The following U2AF2 variants were observed in gnomAD, a reference collection of about 807,000 sequenced individuals.
The protein encoded by U2AF2 is U2 small nuclear RNA auxiliary factor 2, also known as splicing factor U2AF 65 kDa subunit.
Under a neutral mutation model 52.6 loss-of-function variants are expected in U2AF2, and 6 were observed. The ratio of observed to expected loss-of-function variants is 0.11; its 90% CI spans 0.06 to 0.23. The LOEUF is 0.23. Ranked by LOEUF, U2AF2 falls within the 10% of genes least tolerant of loss-of-function variation. The pLI is 1.00. For synonymous variants in U2AF2, 284 were observed against 258.2 expected (o/e 1.10, Z -0.96); for missense variants, 222 against 677.1 (o/e 0.33, Z 7.46).
Position 55,660,633 on chromosome 19 carries a change from C to T in U2AF2, c.334+14C>T. The T allele has an allele frequency of 6.2e-7, 1 of 1,610,638 alleles. No individual in the cohort carries two copies. The highest frequency in any genetic ancestry group is 8.5e-7 in the Non-Finnish European group (1 of 1,177,862). ...AGGCCATGCAAGGTAGGCCCCTGGC[C>T]AGGCTGCTCCCAGAGCGGGAGGGTA... On this transcript the variant is annotated intron_variant, in intron 4 of 11. Coordinates refer to ENST00000308924, the MANE Select transcript of U2AF2 (RefSeq NM_007279.3).
At chr19:55,659,759 C>A (rs1329938173) in intron 2 of U2AF2, among the ~76,000 whole-genome samples, 1 of 152,006 alleles carries the variant, frequency 6.6e-6, no homozygotes, top group African/African-American at 2.4e-5. Flanking sequence ...TCCCTGCCTC[C>A]CAGGAGAAGG....
At chr19:55,663,918 G>A (rs1007184704) in intron 7 of U2AF2, 174 bp downstream of exon 7, 1 of 938,442 alleles carries the variant, frequency 1.1e-6, no homozygotes, top group Non-Finnish European at 1.5e-6. Flanking sequence ...CCTGCTGGTA[G>A]AGAAGGTGCC....
intron 11 of U2AF2, among the ~76,000 whole-genome samples, 172 bp from the exon 12 acceptor site, chr19:55,673,762 G>T (rs1173518903): frequency 6.6e-6 from 1 of 152,218 alleles, no homozygotes; most frequent in Non-Finnish European, 1.5e-5. Flanking sequence ...TGATCCTGGA[G>T]AATATTTGGG....
At chr19:55,669,744 C>T in intron 11 of U2AF2, 52 bp downstream of exon 11, 1 of 1,524,436 alleles carries the variant, frequency 6.6e-7, no homozygotes, top group Non-Finnish European at 8.8e-7. Flanking sequence ...CTCCTCTTCT[C>T]CGCGCCCTCT....
At chr19:55,663,047 C>CG (rs910711802) in intron 6 of U2AF2, among the ~76,000 whole-genome samples, 2 of 151,956 alleles carry the variant, frequency 1.3e-5, no homozygotes, top group African/African-American at 4.8e-5. Context: ...TCTCAACTGT[C>CG]GGGAAAAGGC....
At chr19:55,665,930 A>T (rs1434611367) in intron 7 of U2AF2, among the ~76,000 whole-genome samples, 1 of 152,142 alleles carries the variant, frequency 6.6e-6, no homozygotes, top group Non-Finnish European at 1.5e-5. Context: ...GGCGTGAGCC[A>T]CTGCTCCCGG....
intron 5 of U2AF2, among the ~76,000 whole-genome samples, chr19:55,661,515 C>T (rs1188204499): frequency 8.0e-6 from 1 of 125,708 alleles, no homozygotes; most frequent in Non-Finnish European, 1.7e-5. Flanking sequence ...CACACACACA[C>T]ACACACACAC....
intron 4 of U2AF2, 69 bp from the exon 5 acceptor site, chr19:55,660,969 T>C (rs1031135836): frequency 1.1e-5 from 17 of 1,506,198 alleles, no homozygotes; most frequent in Non-Finnish European, 1.4e-5. Context: ...GAACTCCCAG[T>C]GTGTGGTGAG....
intron 5 of U2AF2, 38 bp downstream of exon 5, chr19:55,661,227 C>G: frequency 6.6e-7 from 1 of 1,509,152 alleles, no homozygotes; most frequent in Non-Finnish European, 8.9e-7. Flanking sequence ...CTCCCTTGTC[C>G]CTCTACCCCG....
intron 1 of U2AF2, among the ~76,000 whole-genome samples, chr19:55,655,876 G>A (rs1236576916): frequency 6.6e-6 from 1 of 152,206 alleles, no homozygotes; most frequent in South Asian, 2.1e-4. Context: ...GGCTTTTGGC[G>A]GTCCCGAGAA....
chr19:55,661,499 G>GACACACACACAC (rs59262812), intron 5 of U2AF2, among the ~76,000 whole-genome samples: 7 of 145,200 alleles, frequency 4.8e-5, no homozygotes, highest in African/African-American at 1.8e-4. Context: ...GGGAGACTTG[G>GACACACACACAC]ACACACACAC....
At chr19:55,656,975 G>A (rs1983835468) in intron 1 of U2AF2, among the ~76,000 whole-genome samples, 1 of 152,196 alleles carries the variant, frequency 6.6e-6, no homozygotes, top group Non-Finnish European at 1.5e-5. Flanking sequence ...TACGACCCTC[G>A]TTTAAAGAGA....
At chr19:55,673,263 T>C (rs541140292) in intron 11 of U2AF2, among the ~76,000 whole-genome samples, 41 of 151,960 alleles carry the variant, frequency 2.7e-4, no homozygotes, top group African/African-American at 8.4e-4. Flanking sequence ...CCATATCAGG[T>C]CCCTGCCTTG....
rs771886225 is a variant in U2AF2, at chr19:55,655,062, G to A, written c.-43G>A. On this transcript the variant is annotated 5_prime_UTR_variant, in exon 1 of 12. Transcript: ENST00000308924. The stretch of plus-strand genomic sequence containing the variant: ...CCGAAGCGGCTGGAGCGGGCGGCAA[G>A]GCGAGGCGAAAGCTGCACAGGGCCC... 4.4e-6 allele frequency: 7 copies of A among 1,603,442 alleles called. No homozygotes were observed. Among genetic ancestry groups the A allele is most frequent in the Non-Finnish European group, 5.9e-6 (7 of 1,176,912 alleles).
At position 55,668,822 on chromosome 19, in the gene U2AF2, G is replaced by C; in HGVS notation, c.945+30G>C. ...GTCCCCGGTCGCTGGCCGCTGCCGC[G>C]TCTGTCCTTCCCTGCCCTGCGCTGT... On this transcript the variant is annotated intron_variant, in intron 9 of 11. Coordinates refer to ENST00000308924, the MANE Select transcript of U2AF2 (RefSeq NM_007279.3). The surrounding 1 kb of genome is among the most constrained non-coding windows in gnomAD (Gnocchi z 5.5). 1.3e-6 allele frequency: 2 copies of C among 1,598,414 alleles called. No individual in the cohort carries two copies. The highest frequency in any genetic ancestry group is 1.7e-6 in the Non-Finnish European group (2 of 1,169,816).
At chr19:55,664,771 G>C (rs1448721284) in intron 7 of U2AF2, among the ~76,000 whole-genome samples, 1 of 152,160 alleles carries the variant, frequency 6.6e-6, no homozygotes, top group African/African-American at 2.4e-5. Context: ...AGGCTGGAAT[G>C]CAGTGGCACG....
intron 11 of U2AF2, among the ~76,000 whole-genome samples, chr19:55,673,720 C>T (rs1348109129): frequency 1.3e-5 from 2 of 152,226 alleles, no homozygotes; most frequent in African/African-American, 4.8e-5. Flanking sequence ...TCTCCCTCTC[C>T]ATGCCTATGG....
chr19:55,659,683 C>T (rs763406671), intron 2 of U2AF2, among the ~76,000 whole-genome samples: 5 of 151,426 alleles, frequency 3.3e-5, no homozygotes, highest in African/African-American at 4.8e-5. Flanking sequence ...TCCTTCTTTT[C>T]GACTCTCTGT....
intron 5 of U2AF2, among the ~76,000 whole-genome samples, chr19:55,661,604 A>G (rs1406799579): frequency 6.9e-6 from 1 of 144,684 alleles, no homozygotes; most frequent in Non-Finnish European, 1.5e-5. Context: ...CCTGTCCCCT[A>G]TCCTCTCCCC....
Sources: allele counts gnomAD v4.1 joint callset (sites outside exome capture counted in the v4.1 genomes callset), GRCh38; gene constraint gnomAD v4.1.1; non-coding constraint Gnocchi (gnomAD v3.1); transcripts MANE v1.5; gene names NCBI Gene and HGNC (gene_info 2026-07-23, HGNC 2026-07-21).